UBE2E2: variants seen among roughly 807,000 people sequenced by gnomAD.
UBE2E2 encodes the protein ubiquitin-conjugating enzyme E2 E2.
A neutral mutation model predicts 24.7 loss-of-function variants in UBE2E2; 6 were observed. The observed-to-expected ratio is 0.24, with a 90% CI of 0.13 to 0.48. UBE2E2 has a LOEUF of 0.48. Ranked by LOEUF, UBE2E2 falls within the 20% of genes least tolerant of loss-of-function variation. The pLI is 0.99. For missense variants in UBE2E2, 169 were observed against 245.0 expected, an observed-to-expected ratio of 0.69 and a Z score of 2.07; for synonymous variants, 104 against 83.6, an observed-to-expected ratio of 1.24 and a Z score of -1.33.
chr3:23,552,346 C>A (rs1480732270), intron 5 of UBE2E2, among the ~76,000 whole-genome samples: 5 of 152,026 alleles, frequency 3.3e-5, no homozygotes, highest in Non-Finnish European at 7.4e-5. Context: ...GAGAGAGACC[C>A]CTTCTCTAAA....
At chr3:23,273,417 G>C (rs547847285) in intron 3 of UBE2E2, among the ~76,000 whole-genome samples, 3 of 152,172 alleles carry the variant, frequency 2.0e-5, no homozygotes, top group African/African-American at 7.2e-5. Context: ...TGTAGTCCCA[G>C]CTACTTGGGA....
At chr3:23,294,286 G>T (rs972880565) in intron 3 of UBE2E2, among the ~76,000 whole-genome samples, 1 of 152,106 alleles carries the variant, frequency 6.6e-6, no homozygotes, top group African/African-American at 2.4e-5. Flanking sequence ...ATCAGTATGT[G>T]CAGTTAAACT....
chr3:23,489,048 G>A (rs917717339), intron 3 of UBE2E2, among the ~76,000 whole-genome samples: 8 of 152,010 alleles, frequency 5.3e-5, no homozygotes, highest in Non-Finnish European at 7.4e-5. Context: ...TTCAGTCTTC[G>A]TATCTAATTG....
chr3:23,447,428 G>A (rs541867749), intron 3 of UBE2E2, among the ~76,000 whole-genome samples: 6 of 152,272 alleles, frequency 3.9e-5, no homozygotes, highest in African/African-American at 1.2e-4. Context: ...AGTAGTTATT[G>A]TGAGTTAGTT....
chr3:23,503,356 A>AT (rs1384166428), intron 4 of UBE2E2, among the ~76,000 whole-genome samples: 3 of 151,430 alleles, frequency 2.0e-5, no homozygotes, highest in South Asian at 2.1e-4. Context: ...CACTCGGCCT[A>AT]TTTTTTGTAT....
At chr3:23,274,657 G>A (rs1030083563) in intron 3 of UBE2E2, among the ~76,000 whole-genome samples, 3 of 152,132 alleles carry the variant, frequency 2.0e-5, no homozygotes, top group African/African-American at 4.8e-5. Context: ...ATGAGCCATC[G>A]CGCCCAGCCT....
chr3:23,243,533 C>T (rs1187323960), intron 3 of UBE2E2, among the ~76,000 whole-genome samples: 3 of 152,072 alleles, frequency 2.0e-5, no homozygotes, highest in African/African-American at 4.8e-5. Flanking sequence ...TAAAGAACAA[C>T]ATATATTCGT....
At chr3:23,305,866 A>G (rs1384942149) in intron 3 of UBE2E2, among the ~76,000 whole-genome samples, 1 of 152,172 alleles carries the variant, frequency 6.6e-6, no homozygotes, top group Admixed American at 6.6e-5. Context: ...AAGTGCTGAG[A>G]TTACAGGTGT....
chr3:23,413,134 C>G (rs1360958352), intron 3 of UBE2E2, among the ~76,000 whole-genome samples: 4 of 151,118 alleles, frequency 2.6e-5, no homozygotes, highest in Non-Finnish European at 5.9e-5. Flanking sequence ...CAACATGGCA[C>G]ATGTATACAT....
chr3:23,216,648 A>G (rs1160139005), intron 2 of UBE2E2, among the ~76,000 whole-genome samples: 4 of 152,128 alleles, frequency 2.6e-5, no homozygotes, highest in Admixed American at 2.6e-4. Context: ...TAAAAGTAGA[A>G]TGTAACACAT....
intron 4 of UBE2E2, among the ~76,000 whole-genome samples, chr3:23,518,695 G>C (rs59816211): frequency 8.7e-4 from 132 of 152,290 alleles, no homozygotes; most frequent in African/African-American, 2.9e-3. Context: ...CTGGTTTTCA[G>C]TAAGTTCTGG....
At chr3:23,504,743 A>G (rs1278703030) in intron 4 of UBE2E2, among the ~76,000 whole-genome samples, 2 of 152,112 alleles carry the variant, frequency 1.3e-5, no homozygotes, top group Non-Finnish European at 2.9e-5. Context: ...TTCGTGAATA[A>G]TATAAAAAAC....
chr3:23,498,495 A>G (rs1170597562), intron 3 of UBE2E2, among the ~76,000 whole-genome samples: 9 of 152,326 alleles, frequency 5.9e-5, no homozygotes, highest in African/African-American at 2.2e-4. Context: ...TGGAATTATG[A>G]TGAATCAATT....
chr3:23,588,132 T>A (rs1696668183), intron 5 of UBE2E2, among the ~76,000 whole-genome samples: 1 of 152,218 alleles, frequency 6.6e-6, no homozygotes, highest in African/African-American at 2.4e-5. Flanking sequence ...TCTTCCCAAG[T>A]TGCCGGTGGT....
intron 3 of UBE2E2, among the ~76,000 whole-genome samples, chr3:23,348,681 GAA>G (rs1695634381): frequency 6.6e-6 from 1 of 152,164 alleles, no homozygotes. Context: ...GCTAGGGTAA[GAA>G]TGATACCTGG....
rs1338026235 is a variant in UBE2E2 at position 23,580,353 on chromosome 3, G to GTAACCTGA, written c.509-9379_509-9372dup. On this transcript the variant is annotated intron_variant, in intron 5 of 5. Coordinates refer to ENST00000396703, the MANE Select transcript of UBE2E2 (RefSeq NM_152653.4). ...ATTGCCATAGCCACCCCAGCCTTCA[G>GTAACCTGA]TAACCTGATCAGTCAGCAGCCATCC... 7.9e-5 allele frequency among the ~76,000 whole-genome samples: 12 copies of GTAACCTGA among 152,294 alleles called. No homozygotes were observed. The South Asian group carries it at 1.9e-3, about 24-fold the overall frequency.
intron 3 of UBE2E2, among the ~76,000 whole-genome samples, chr3:23,466,653 C>T (rs549934287): frequency 9.2e-5 from 14 of 152,146 alleles, no homozygotes; most frequent in East Asian, 1.9e-4. Flanking sequence ...CTGCAACCTC[C>T]GCCTCCTGGG....
chr3:23,375,829 C>T (rs1696507602), intron 3 of UBE2E2, among the ~76,000 whole-genome samples: 1 of 152,094 alleles, frequency 6.6e-6, no homozygotes. Context: ...ACTCTTGTTG[C>T]AGTTATTACA....
intron 3 of UBE2E2, among the ~76,000 whole-genome samples, chr3:23,257,745 ATCTC>A (rs1386513850): frequency 1.3e-5 from 2 of 151,366 alleles, no homozygotes; most frequent in Admixed American, 6.6e-5. Flanking sequence ...AATTACTTTT[ATCTC>A]TCTCTCTCTT....
Sources: allele counts gnomAD v4.1 joint callset (sites outside exome capture counted in the v4.1 genomes callset), GRCh38; gene constraint gnomAD v4.1.1; transcripts MANE v1.5; gene names NCBI Gene and HGNC (gene_info 2026-07-23, HGNC 2026-07-21).